Variants in CHST11 observed in about 807,000 individuals in gnomAD.
CHST11 encodes the protein carbohydrate sulfotransferase 11.
CHST11 carries 9 observed loss-of-function variants against 30.4 expected under a neutral mutation model. The observed-to-expected ratio is 0.30, with a 90% CI of 0.18 to 0.52. The LOEUF (loss-of-function observed/expected upper bound fraction) is 0.52, where lower values mean the gene tolerates loss of function less well. Ranked by LOEUF, CHST11 falls within the 20% of genes least tolerant of loss-of-function variation. The pLI is 0.97. For synonymous variants in CHST11, 152 were observed against 187.8 expected (o/e 0.81, Z 1.56); for missense variants, 348 against 460.6 (o/e 0.76, Z 2.24).
At chr12:104,555,726 G>A (rs143397134) in intron 1 of CHST11, among the ~76,000 whole-genome samples, 64 of 152,348 alleles carry the variant, frequency 4.2e-4, no homozygotes, top group African/African-American at 1.3e-3. Flanking sequence ...GCTGTGTCCG[G>A]AAGCATTAAA....
intron 2 of CHST11, among the ~76,000 whole-genome samples, chr12:104,747,606 C>A (rs1446558785): frequency 6.6e-6 from 1 of 152,156 alleles, no homozygotes; most frequent in Non-Finnish European, 1.5e-5. Flanking sequence ...TCCCCCTCCC[C>A]CAATTCTGAA....
chr12:104,481,028 G>A (rs777136755), intron 1 of CHST11, among the ~76,000 whole-genome samples: 2 of 152,156 alleles, frequency 1.3e-5, no homozygotes, highest in Admixed American at 6.5e-5. Flanking sequence ...CCCCTGTGCC[G>A]GGATGTGACT....
chr12:104,713,809 G>C (rs1219450806), intron 2 of CHST11, among the ~76,000 whole-genome samples: 1 of 152,216 alleles, frequency 6.6e-6, no homozygotes, highest in Non-Finnish European at 1.5e-5. Context: ...TTTCTCCCCA[G>C]GCCAGCTCCT....
intron 1 of CHST11, among the ~76,000 whole-genome samples, chr12:104,501,893 G>A (rs1427335866): frequency 6.6e-6 from 1 of 152,204 alleles, no homozygotes; most frequent in Non-Finnish European, 1.5e-5. Flanking sequence ...TCAGACACGT[G>A]GCCCTTGCTG....
chr12:104,596,370 T>TA (rs1197163644), intron 1 of CHST11, among the ~76,000 whole-genome samples: 1 of 152,192 alleles, frequency 6.6e-6, no homozygotes, highest in African/African-American at 2.4e-5. Flanking sequence ...AACCGAGTAT[T>TA]AGAGTTGTTT....
intron 1 of CHST11, chr12:104,514,267 G>A: frequency 4.6e-6 from 4 of 861,192 alleles, no homozygotes; most frequent in East Asian, 2.4e-5. Context: ...GTTGGTGTGG[G>A]TGGTTCAGGG....
chr12:104,726,401 G>A (rs1417145805), intron 2 of CHST11, among the ~76,000 whole-genome samples: 2 of 152,174 alleles, frequency 1.3e-5, no homozygotes, highest in African/African-American at 4.8e-5. Flanking sequence ...AAACAAAGCA[G>A]CTGAATTAAA....
At chr12:104,491,583 C>T (rs962223114) in intron 1 of CHST11, among the ~76,000 whole-genome samples, 1 of 151,990 alleles carries the variant, frequency 6.6e-6, no homozygotes, top group Non-Finnish European at 1.5e-5. Context: ...GTCCTCCTGC[C>T]TCTGCTTCCC....
At chr12:104,750,946 T>C (rs1419699925) in intron 2 of CHST11, among the ~76,000 whole-genome samples, 2 of 152,176 alleles carry the variant, frequency 1.3e-5, no homozygotes, top group African/African-American at 2.4e-5. Flanking sequence ...TGAGAAGCAT[T>C]CTCTTGACCC....
At chr12:104,680,935 G>A (rs1026595414) in intron 2 of CHST11, among the ~76,000 whole-genome samples, 1 of 152,212 alleles carries the variant, frequency 6.6e-6, no homozygotes, top group Non-Finnish European at 1.5e-5. Flanking sequence ...TGGCTGTGTG[G>A]TCTTGGACAA....
chr12:104,704,087 C>T lies in CHST11; in HGVS notation c.205-52862C>T, dbSNP rs75938103. 1.2e-3 allele frequency among the ~76,000 whole-genome samples: 180 copies of T among 152,258 alleles called. 4 individuals are homozygous for T. The East Asian group carries it at 0.03, about 25-fold the overall frequency. On this transcript the variant is annotated intron_variant, in intron 2 of 2. Coordinates refer to ENST00000303694, the MANE Select transcript of CHST11 (RefSeq NM_018413.6). ...AGTGGGAAGTCAAACGTTCGTCGAA[C>T]GGAAGGTGTAGAGACGAGCCTGGGA...
intron 1 of CHST11, among the ~76,000 whole-genome samples, chr12:104,597,263 A>G (rs1162097815): frequency 6.6e-6 from 1 of 152,178 alleles, no homozygotes; most frequent in African/African-American, 2.4e-5. Flanking sequence ...TCCTGGGTCC[A>G]AGAAATCATA....
At chr12:104,687,759 T>G (rs902340426) in intron 2 of CHST11, among the ~76,000 whole-genome samples, 1 of 152,142 alleles carries the variant, frequency 6.6e-6, no homozygotes, top group Non-Finnish European at 1.5e-5. Context: ...ATGATCCTGT[T>G]TCAAACAGCG....
chr12:104,572,369 T>A (rs938514902), intron 1 of CHST11, among the ~76,000 whole-genome samples: 33 of 151,392 alleles, frequency 2.2e-4, no homozygotes, highest in South Asian at 4.2e-4. Flanking sequence ...TGGTAAGCTA[T>A]TAAGTATTGC....
Position 104,565,661 on chromosome 12 carries a change from T to C in CHST11, c.119-36245T>C, listed in dbSNP as rs77105928. 0.016 allele frequency among the ~76,000 whole-genome samples: 2,461 copies of C among 152,254 alleles called. 130 individuals are homozygous for C. In the East Asian group the frequency reaches 0.16, roughly 10 times the overall value. On this transcript the variant is annotated intron_variant, in intron 1 of 2. Coordinates refer to ENST00000303694, the MANE Select transcript of CHST11 (RefSeq NM_018413.6). Reference sequence around the variant, plus strand: ...CTCTATCACCAGTATTTGAGGAGTCTTCAGGCAGCGGGGCAGGGAGTAAGA... The same window carrying C: ...CTCTATCACCAGTATTTGAGGAGTCCTCAGGCAGCGGGGCAGGGAGTAAGA...
intron 1 of CHST11, among the ~76,000 whole-genome samples, chr12:104,585,270 C>T (rs2038792127): frequency 6.6e-6 from 1 of 152,204 alleles, no homozygotes; most frequent in African/African-American, 2.4e-5. Context: ...AATGCCAAAG[C>T]GCTTAGGCCT....
intron 1 of CHST11, among the ~76,000 whole-genome samples, chr12:104,593,140 C>G (rs1315375130): frequency 7.2e-6 from 1 of 138,414 alleles, no homozygotes. Context: ...GTTTAATTCA[C>G]TTTAGTTCTA....
intron 2 of CHST11, among the ~76,000 whole-genome samples, chr12:104,683,334 A>G (rs947050907): frequency 2.0e-5 from 3 of 152,210 alleles, no homozygotes; most frequent in African/African-American, 4.8e-5. Flanking sequence ...AAAATCATCA[A>G]TGTAGTCATC....
intron 1 of CHST11, among the ~76,000 whole-genome samples, chr12:104,466,136 A>G (rs118000883): frequency 0.018 from 2,759 of 152,296 alleles, 38 homozygotes; most frequent in Middle Eastern, 0.044. Context: ...CTAGGATTAC[A>G]GGCATAAGCC....
Sources: gnomAD v4.1 joint callset for allele counts (sites outside exome capture counted in the v4.1 genomes callset) on GRCh38, gnomAD v4.1.1 for gene constraint, MANE v1.5 for transcripts, NCBI Gene and HGNC (gene_info 2026-07-23, HGNC 2026-07-21) for gene names.